The following PDE1A variants were observed in gnomAD, a reference collection of about 807,000 sequenced individuals.
PDE1A encodes the protein dual specificity calcium/calmodulin-dependent 3',5'-cyclic nucleotide phosphodiesterase 1A.
A neutral mutation model predicts 61.7 loss-of-function variants in PDE1A; 35 were observed. The ratio of observed to expected loss-of-function variants is 0.57; its 90% CI spans 0.43 to 0.75. The LOEUF (loss-of-function observed/expected upper bound fraction) is 0.75, where lower values mean the gene tolerates loss of function less well. Ranked by LOEUF, PDE1A falls within the 30% of genes least tolerant of loss-of-function variation. The pLI is 0.00. For missense variants in PDE1A, 597 were observed against 630.6 expected (o/e 0.95, Z 0.57); for synonymous variants, 232 against 213.2 (o/e 1.09, Z -0.77).
At chr2:182,614,811 C>T in the PDE1A span, among the ~76,000 whole-genome samples, 1 of 152,192 alleles carries the variant, frequency 6.6e-6, no homozygotes, top group Non-Finnish European at 1.5e-5. Flanking sequence ...CCTGCCTTGG[C>T]CTCCCAAAGT....
the PDE1A span, among the ~76,000 whole-genome samples, chr2:182,577,993 G>GAA: frequency 4.9e-3 from 730 of 149,292 alleles, 13 homozygotes; most frequent in African/African-American, 0.017. Context: ...AGGAAGGAAG[G>GAA]GACGGAGGGA....
At chr2:182,429,820 T>C (rs747832663), upstream of PDE1A, among the ~76,000 whole-genome samples, 1 of 152,174 alleles carries the variant, frequency 6.6e-6, no homozygotes, top group African/African-American at 2.4e-5. Context: ...GTGTTTGTAA[T>C]ACACAAGTGC....
chr2:182,689,551 C>A, the PDE1A span, among the ~76,000 whole-genome samples: 1 of 152,056 alleles, frequency 6.6e-6, no homozygotes, highest in Non-Finnish European at 1.5e-5. Flanking sequence ...AAATTTATAG[C>A]GCTAAATGCC....
chr2:182,374,461 T>C (rs1452885005), intron 1 of PDE1A, among the ~76,000 whole-genome samples: 5 of 151,892 alleles, frequency 3.3e-5, no homozygotes, highest in Non-Finnish European at 5.9e-5. Flanking sequence ...TAAAAGAAAA[T>C]TGATAAAGTT....
At chr2:182,234,336 G>T in intron 4 of PDE1A, 96 bp downstream of exon 4, 1 of 762,864 alleles carries the variant, frequency 1.3e-6, no homozygotes, top group Non-Finnish European at 2.3e-6. Context: ...TAAGATGTAG[G>T]CTGCAGTAAA....
At chr2:182,145,743 G>T (rs1330010953), downstream of PDE1A, among the ~76,000 whole-genome samples, 1 of 151,862 alleles carries the variant, frequency 6.6e-6, no homozygotes, top group Non-Finnish European at 1.5e-5. Context: ...AATAAAAAAA[G>T]AAAAATGCAA....
chr2:182,236,484 A>G (rs1165251704), intron 3 of PDE1A, among the ~76,000 whole-genome samples: 1 of 152,180 alleles, frequency 6.6e-6, no homozygotes, highest in Non-Finnish European at 1.5e-5. Flanking sequence ...GGATTAAGAA[A>G]TTTTAAAATG....
chr2:182,281,812 T>C (rs551555782), intron 1 of PDE1A, among the ~76,000 whole-genome samples: 1 of 152,108 alleles, frequency 6.6e-6, no homozygotes, highest in South Asian at 2.1e-4. Context: ...TATTTTTTAA[T>C]GCTGTGAATA....
chr2:182,212,781 C>T (rs576298673), intron 7 of PDE1A, among the ~76,000 whole-genome samples: 6 of 152,302 alleles, frequency 3.9e-5, no homozygotes, highest in South Asian at 4.1e-4. Context: ...CACAGAGTCT[C>T]GCTGATTGCT....
At chr2:182,712,833 G>C in the PDE1A span, among the ~76,000 whole-genome samples, 1 of 152,116 alleles carries the variant, frequency 6.6e-6, no homozygotes, top group Non-Finnish European at 1.5e-5. Context: ...TGGGATTACA[G>C]GTATGAGCCA....
At chr2:182,603,181 T>C in the PDE1A span, among the ~76,000 whole-genome samples, 16 of 152,168 alleles carry the variant, frequency 1.1e-4, no homozygotes, top group Non-Finnish European at 2.2e-4. Context: ...TGTGTTCTTT[T>C]ATTGTTTCTA....
chr2:182,392,297 T>C (rs1424237555), intron 1 of PDE1A, among the ~76,000 whole-genome samples: 2 of 152,166 alleles, frequency 1.3e-5, no homozygotes, highest in African/African-American at 2.4e-5. Flanking sequence ...GCAGGGGAAC[T>C]ACCCTCTATA....
chr2:182,382,822 TAGA>T (rs1186990383), intron 1 of PDE1A, among the ~76,000 whole-genome samples: 1 of 152,206 alleles, frequency 6.6e-6, no homozygotes, highest in Non-Finnish European at 1.5e-5. Context: ...TAGGCTGTAC[TAGA>T]AGATTTAAAT....
intron 1 of PDE1A, among the ~76,000 whole-genome samples, chr2:182,327,267 G>T (rs985015650): frequency 6.6e-6 from 1 of 152,136 alleles, no homozygotes; most frequent in South Asian, 2.1e-4. Context: ...GGAGCAAGTC[G>T]AAGTGTATTG....
At chr2:182,143,934 A>G (rs1234870743), downstream of PDE1A, among the ~76,000 whole-genome samples, 1 of 152,094 alleles carries the variant, frequency 6.6e-6, no homozygotes, top group Non-Finnish European at 1.5e-5. Context: ...AATTCCAGTA[A>G]AAACTCTGGT....
intron 1 of PDE1A, among the ~76,000 whole-genome samples, chr2:182,414,047 T>G (rs1702773604): frequency 6.6e-6 from 1 of 152,054 alleles, no homozygotes. Flanking sequence ...GAATCGGCAC[T>G]CAGAATAGAG....
chr2:182,631,674 T>A, the PDE1A span, among the ~76,000 whole-genome samples: 1 of 152,256 alleles, frequency 6.6e-6, no homozygotes, highest in South Asian at 2.1e-4. Context: ...TAGTTTGTAA[T>A]TTCTATTTAA....
At chr2:182,689,932 G>C in the PDE1A span, among the ~76,000 whole-genome samples, 1 of 152,150 alleles carries the variant, frequency 6.6e-6, no homozygotes, top group Non-Finnish European at 1.5e-5. Flanking sequence ...AAATTTAGAA[G>C]AAATGGATAA....
chr2:182,274,068 G>A (rs1192915431), intron 1 of PDE1A, among the ~76,000 whole-genome samples: 1 of 152,030 alleles, frequency 6.6e-6, no homozygotes, highest in East Asian at 1.9e-4. Flanking sequence ...ACCTCACATG[G>A]TAGAAGGAGC....
Sources: allele counts gnomAD v4.1 joint callset (sites outside exome capture counted in the v4.1 genomes callset), GRCh38; gene constraint gnomAD v4.1.1; transcripts MANE v1.5; gene names NCBI Gene and HGNC (gene_info 2026-07-23, HGNC 2026-07-21).